The following SCGB3A2 variants were observed in gnomAD, a reference collection of about 807,000 sequenced individuals.
The protein encoded by SCGB3A2 is pneumo secretory protein 1.
A neutral mutation model predicts 7.7 loss-of-function variants in SCGB3A2; 5 were observed. The observed-to-expected ratio is 0.65, with a 90% CI of 0.34 to 1.36. The LOEUF is 1.36. SCGB3A2 is among the 40% of genes most tolerant of loss of function. SCGB3A2 has a pLI of 0.04. For missense variants in SCGB3A2, 109 were observed against 103.6 expected (o/e 1.05, Z -0.23); for synonymous variants, 44 against 42.7 (o/e 1.03, Z -0.12).
intron 1 of SCGB3A2, among the ~76,000 whole-genome samples, chr5:147,879,127 T>A (rs1336640149): frequency 6.6e-6 from 1 of 152,214 alleles, no homozygotes; most frequent in Non-Finnish European, 1.5e-5. Flanking sequence ...TAATACATCC[T>A]ACATAGGAAG....
intron 1 of SCGB3A2, among the ~76,000 whole-genome samples, chr5:147,880,153 G>A (rs2163787): frequency 0.19 from 28,642 of 152,106 alleles, 3,153 homozygotes; most frequent in Admixed American, 0.29. Context: ...TCTTACGTGT[G>A]TGCTCACATG....
intron 1 of SCGB3A2, 42 bp from the exon 2 acceptor site, chr5:147,881,404 C>T: frequency 5.5e-6 from 8 of 1,458,190 alleles, no homozygotes; most frequent in Non-Finnish European, 7.7e-6. Context: ...ATAGTCTGGG[C>T]CCAGATGTGC....
intron 1 of SCGB3A2, among the ~76,000 whole-genome samples, chr5:147,880,113 G>A (rs1757322570): frequency 6.6e-6 from 1 of 152,136 alleles, no homozygotes; most frequent in Non-Finnish European, 1.5e-5. Context: ...ATAAACTATG[G>A]CAGGTCTTAG....
intron 1 of SCGB3A2, chr5:147,880,793 CTATG>C (rs1264860990): frequency 6.6e-6 from 1 of 152,580 alleles, no homozygotes; most frequent in African/African-American, 2.4e-5. Flanking sequence ...TCTTATTTGT[CTATG>C]TATCTGCACA....
In SCGB3A2 at chr5:147,881,498, T is replaced by G; in HGVS notation, c.108T>G (p.Pro36=). ...KVPLPVDKLA[P]LPLDNILPFM... ...CCCTTCCTGTTGACAAGTTGGCACC[T>G]TTACCTCTGGACAACATTCTTCCCT... The change falls in exon 2 of 3, where the codon CCT becomes CCG. Residue 36 remains proline, a synonymous_variant. Transcript: ENST00000296694. 3.1e-6 allele frequency: 5 copies of G among 1,614,038 alleles called. No individual in the cohort carries two copies. The highest frequency in any genetic ancestry group is 3.4e-6 in the Non-Finnish European group (4 of 1,179,930).
intron 1 of SCGB3A2, among the ~76,000 whole-genome samples, chr5:147,880,043 A>AT (rs1486776582): frequency 3.9e-5 from 6 of 151,902 alleles, no homozygotes; most frequent in African/African-American, 1.5e-4. Context: ...AATTTAAAAA[A>AT]ATATATACAG....
chr5:147,881,550 A>G lies in SCGB3A2; in HGVS notation c.160A>G (p.Lys54Glu), dbSNP rs151333009. 1 of 1,613,890 alleles carries G rather than the reference A, an allele frequency of 6.2e-7. No individual in the cohort carries two copies. Among genetic ancestry groups the G allele is most frequent in the Non-Finnish European group, 8.5e-7 (1 of 1,179,938 alleles). Residue 54 changes from lysine (K) to glutamate (E), a missense_variant, in exon 2 of 3, where the codon AAA becomes GAA. By Grantham distance (56) the Lys-to-Glu change is moderately conservative (BLOSUM62 1). Transcript: ENST00000296694. ...PFMDPLKLLL[K>E]TLGISVEHLV... ...TATGGATCCATTAAAGCTTCTTCTGAAAACTCTGGGCATTTCTGTTGAGCA... is the reference window on the plus strand; with the variant it reads ...TATGGATCCATTAAAGCTTCTTCTGGAAACTCTGGGCATTTCTGTTGAGCA...
At chr5:147,881,864 C>T (rs1369139483) in intron 2 of SCGB3A2, among the ~76,000 whole-genome samples, 163 bp from the exon 3 acceptor site, 1 of 152,102 alleles carries the variant, frequency 6.6e-6, no homozygotes, top group Non-Finnish European at 1.5e-5. Context: ...TGTGACAATA[C>T]CATTTACCAC....
chr5:147,878,911 A>T, intron 1 of SCGB3A2, 53 bp downstream of exon 1: 1 of 1,299,286 alleles, frequency 7.7e-7, no homozygotes, highest in Non-Finnish European at 1.1e-6. Flanking sequence ...CTTTTCTGTT[A>T]ATAAGAGCAC....
intron 1 of SCGB3A2, 114 bp downstream of exon 1, chr5:147,878,972 AT>A (rs3217372): frequency 0.15 from 106,444 of 695,156 alleles, 9,978 homozygotes; most frequent in Admixed American, 0.34. Flanking sequence ...TAGGAATTGT[AT>A]TTTTTTTTAT....
Position 147,882,137 on chromosome 5 carries a change from C to A in SCGB3A2, c.*87C>A. On this transcript the variant is annotated 3_prime_UTR_variant, in exon 3 of 3. Coordinates refer to ENST00000296694, the MANE Select transcript of SCGB3A2 (RefSeq NM_054023.5). ...GAAACCTGTTCTACCAATTATAGATCAAATGCCCTAAAATGTAGTGACCCG... is the reference window on the plus strand; with the variant it reads ...GAAACCTGTTCTACCAATTATAGATAAAATGCCCTAAAATGTAGTGACCCG... The A allele has an allele frequency of 1.5e-6, 2 of 1,320,136 alleles. No homozygotes were observed. Among genetic ancestry groups the A allele is most frequent in the Non-Finnish European group, 2.2e-6 (2 of 914,176 alleles). The allele number at this position is 1,320,136 out of a possible 1,614,324, so 81.8% of individuals were successfully genotyped here. A position where few individuals can be genotyped will look rare whatever the true frequency, so the allele number is the denominator to read the frequency against.
At chr5:147,881,865 C>T (rs923495574) in intron 2 of SCGB3A2, among the ~76,000 whole-genome samples, 162 bp from the exon 3 acceptor site, 2 of 152,124 alleles carry the variant, frequency 1.3e-5, no homozygotes, top group Non-Finnish European at 2.9e-5. Context: ...GTGACAATAC[C>T]ATTTACCACC....
At chr5:147,879,359 G>T (rs1757310735) in intron 1 of SCGB3A2, among the ~76,000 whole-genome samples, 1 of 152,186 alleles carries the variant, frequency 6.6e-6, no homozygotes, top group African/African-American at 2.4e-5. Context: ...TCCACTCAAT[G>T]GATATTTATT....
chr5:147,881,840 A>G (rs1296994770), intron 2 of SCGB3A2, among the ~76,000 whole-genome samples, 187 bp from the exon 3 acceptor site: 1 of 152,230 alleles, frequency 6.6e-6, no homozygotes, highest in Non-Finnish European at 1.5e-5. Context: ...AATGATAGTG[A>G]CATGTGTTAT....
In SCGB3A2 at chr5:147,882,041, C is replaced by A. The variant is rs1757357476; in HGVS notation, c.273C>A (p.His91Gln). The A allele has an allele frequency of 6.2e-7, 1 of 1,613,874 alleles. No individual in the cohort carries two copies. The highest frequency in any genetic ancestry group is 2.2e-5 in the East Asian group (1 of 44,864). ...CTACATTTCAGGAGGCGCTATCACA[C>A]TTGGTGTGACATCAAGATAAAGAGC... is the stretch of plus-strand genomic sequence containing the variant. ...AVKKLLEALS[H>Q]LV Residue 91 changes from histidine to glutamine, a missense_variant, in exon 3 of 3, where the codon CAC becomes CAA. Physicochemically the swap from His to Gln is conservative, Grantham distance 24. Transcript: ENST00000296694.
chr5:147,881,495 A>G lies in SCGB3A2; in HGVS notation c.105A>G (p.Ala35=). The part of the protein sequence containing the change: ...NKVPLPVDKL[A]PLPLDNILPF... ...TGCCCCTTCCTGTTGACAAGTTGGC[A>G]CCTTTACCTCTGGACAACATTCTTC... Residue 35 remains alanine, a synonymous_variant, in exon 2 of 3, where the codon GCA becomes GCG. Transcript: ENST00000296694. The G allele has an allele frequency of 6.2e-7, 1 of 1,613,968 alleles. No homozygotes were observed. The highest frequency in any genetic ancestry group is 8.5e-7 in the Non-Finnish European group (1 of 1,179,920).
intron 1 of SCGB3A2, among the ~76,000 whole-genome samples, chr5:147,880,133 G>A (rs1022863695): frequency 6.6e-6 from 1 of 152,150 alleles, no homozygotes; most frequent in Non-Finnish European, 1.5e-5. Context: ...GCCAGTAGGA[G>A]GATGTGTGTT....
intron 1 of SCGB3A2, chr5:147,880,690 C>T (rs940594768): frequency 3.9e-5 from 6 of 152,162 alleles, no homozygotes; most frequent in African/African-American, 1.2e-4. Context: ...GGAGCTTTGT[C>T]CATAATGTTA....
At chr5:147,880,305 T>C (rs1757326378) in intron 1 of SCGB3A2, among the ~76,000 whole-genome samples, 1 of 152,212 alleles carries the variant, frequency 6.6e-6, no homozygotes, top group Non-Finnish European at 1.5e-5. Flanking sequence ...GTAATTTTCC[T>C]ATGTAAAAGC....
Sources: gnomAD v4.1 joint callset for allele counts (sites outside exome capture counted in the v4.1 genomes callset) on GRCh38, gnomAD v4.1.1 for gene constraint, MANE v1.5 for transcripts, NCBI Gene and HGNC (gene_info 2026-07-23, HGNC 2026-07-21) for gene names.